Variants in NALF2 observed in about 807,000 individuals in gnomAD.
NALF2 encodes the protein NALCN channel auxiliary factor 2, also known as bB57D9.1 (TED protein).
NALF2 carries 1 observed loss-of-function variant against 24.8 expected under a neutral mutation model. The ratio of observed to expected loss-of-function variants is 0.04; its 90% CI spans 0.01 to 0.19. The LOEUF is 0.19. NALF2 is among the 10% of genes least tolerant of loss of function. NALF2 has a pLI of 1.00. For missense variants in NALF2, 458 were observed against 409.6 expected, an observed-to-expected ratio of 1.12 and a Z score of -1.02; for synonymous variants, 254 against 189.8, an observed-to-expected ratio of 1.34 and a Z score of -2.78.
chrX:69,509,854 TTTTA>T (rs1212928980), intron 1 of NALF2, among the ~76,000 whole-genome samples: 2 of 112,638 alleles, frequency 1.8e-5, no homozygotes, highest in Non-Finnish European at 3.8e-5. Context: ...AACCTAGTTC[TTTTA>T]TTTATTACCT....
chrX:69,520,042 A>G (rs1483672042), intron 1 of NALF2, among the ~76,000 whole-genome samples: 2 of 111,221 alleles, frequency 1.8e-5, no homozygotes, highest in African/African-American at 6.6e-5. Flanking sequence ...CTCTTGAGCC[A>G]CTCCTCCATC....
chrX:69,512,795 A>T lies in NALF2; in HGVS notation c.861+6652A>T, dbSNP rs1930603407. On this transcript the variant is annotated intron_variant, in intron 1 of 2. Transcript: ENST00000252338. ...TTCTCCAGTGCACAGATGCATGAAG[A>T]AAATGCTAATAATCTCCTCCAACTG... Among the ~76,000 whole-genome samples, 3 of 111,632 alleles carry T rather than the reference A, an allele frequency of 2.7e-5. No individual in the cohort carries two copies. In the South Asian group the frequency reaches 1.1e-3, roughly 43 times the overall value.
Position 69,506,138 on chromosome X carries a change from T to C in NALF2, c.856T>C (p.Cys286Arg). Reference protein sequence around the residue: ...EYSIRSCTKGCKAVYKAWLCS... With the variant: ...EYSIRSCTKGRKAVYKAWLCS... ...CTCAATCCGGTCCTGCACGAAAGGCTGTAAGGTAAGGACTGGCTTCCGCAG... is the reference window on the plus strand; with the variant it reads ...CTCAATCCGGTCCTGCACGAAAGGCCGTAAGGTAAGGACTGGCTTCCGCAG... The change falls in exon 1 of 3, where the codon TGT (cysteine) becomes CGT (arginine). Residue 286 changes from cysteine (C) to arginine (R), a missense_variant. Transcript: ENST00000252338. 1 of 1,204,644 alleles carries C rather than the reference T, an allele frequency of 8.3e-7. No individual in the cohort carries two copies. Among genetic ancestry groups the C allele is most frequent in the South Asian group, 1.8e-5 (1 of 55,582 alleles).
chrX:69,512,744 C>T (rs1425592884), intron 1 of NALF2, among the ~76,000 whole-genome samples: 1 of 111,722 alleles, frequency 9.0e-6, no homozygotes, highest in Non-Finnish European at 1.9e-5. Context: ...AAAGGACTGG[C>T]ATACAAACCT....
At chrX:69,528,595 A>C (rs753036504) in intron 1 of NALF2, among the ~76,000 whole-genome samples, 1 of 112,562 alleles carries the variant, frequency 8.9e-6, no homozygotes, top group Non-Finnish European at 1.9e-5. Context: ...TGTTTGCTGA[A>C]TTGAACAGAA....
chrX:69,505,005 C>T lies in NALF2; in HGVS notation c.-278C>T, dbSNP rs1930432784. ...CCGCCACCGCCCCAGTGCCCCGCAC[C>T]GCCCCCAGCCGGGACGCCGGGCAGC... On this transcript the variant is annotated 5_prime_UTR_variant, in exon 1 of 3. Transcript: ENST00000252338. 9.4e-6 allele frequency among the ~76,000 whole-genome samples: 1 copy of T among 106,544 alleles called. No individual in the cohort carries two copies. The highest frequency in any genetic ancestry group is 3.3e-5 in the African/African-American group (1 of 29,941). 92.5% of individuals were successfully genotyped at this position (106,544 alleles called of 115,157 possible). A position where few individuals can be genotyped will look rare whatever the true frequency, so the allele number is the denominator to read the frequency against.
At chrX:69,508,236 C>T (rs574137317) in intron 1 of NALF2, among the ~76,000 whole-genome samples, 5 of 111,476 alleles carry the variant, frequency 4.5e-5, no homozygotes, top group African/African-American at 1.6e-4. Context: ...TTTTTCCGCC[C>T]CTCTCGTGTG....
chrX:69,505,253 T>A lies in NALF2; in HGVS notation c.-30T>A, dbSNP rs1337144434. 8.9e-7 allele frequency: 1 copy of A among 1,124,741 alleles called. No homozygotes were observed. Among genetic ancestry groups the A allele is most frequent in the South Asian group, 2.1e-5 (1 of 48,092 alleles). 92.7% of individuals were successfully genotyped at this position (1,124,741 alleles called of 1,213,427 possible). On this transcript the variant is annotated 5_prime_UTR_variant, in exon 1 of 3. Transcript: ENST00000252338. ...ACGGCCGTCTGGCCTCGCGCCTGCC[T>A]GTTCCCTCCAGCCCGGACCCCCCTG...
rs1930890416 is a variant in NALF2 at position 69,530,615 on chromosome X, G to C, written c.*659G>C. On this transcript the variant is annotated 3_prime_UTR_variant, in exon 3 of 3. Transcript: ENST00000252338. ...GGTACAGAATGAATGGTGAAAGAGAGTGGAGATACGGAAGGGGGAGAGGAG... is the reference window on the plus strand; with the variant it reads ...GGTACAGAATGAATGGTGAAAGAGACTGGAGATACGGAAGGGGGAGAGGAG... 8.9e-6 allele frequency: 1 copy of C among 112,751 alleles called. No individual in the cohort carries two copies. The highest frequency in any genetic ancestry group is 9.4e-5 in the Admixed American group (1 of 10,689). The allele number at this position is 112,751 out of a possible 1,213,427, so 9.3% of individuals were successfully genotyped here.
At chrX:69,529,452 G>A (rs1446545649) in intron 2 of NALF2, 119 bp from the exon 3 acceptor site, 11 of 1,074,035 alleles carry the variant, frequency 1.0e-5, no homozygotes, top group Non-Finnish European at 1.3e-5. Flanking sequence ...GAGGGCTGTG[G>A]GGAGGGAGCC....
chrX:69,528,949 G>C, intron 1 of NALF2, 44 bp from the exon 2 acceptor site: 1 of 1,161,539 alleles, frequency 8.6e-7, no homozygotes, highest in Non-Finnish European at 1.2e-6. Context: ...TCTGAGGTGG[G>C]AAGGGGCTGG....
In NALF2 at chrX:69,523,939, C is replaced by A. The variant is rs185792285; in HGVS notation, c.862-5054C>A. On this transcript the variant is annotated intron_variant, in intron 1 of 2. Transcript: ENST00000252338. ...GAACCCTGGAGTTGGAGGTGGGAAACCAGGTTTCCAGTTCCTCCCAAACCG... is the reference window on the plus strand; with the variant it reads ...GAACCCTGGAGTTGGAGGTGGGAAAACAGGTTTCCAGTTCCTCCCAAACCG... 2.7e-3 allele frequency among the ~76,000 whole-genome samples: 303 copies of A among 111,171 alleles called. 1 individual carries two copies. Among genetic ancestry groups the A allele is most frequent in the Non-Finnish European group, 3.8e-3 (203 of 52,990 alleles).
chrX:69,521,394 A>G (rs769163184), intron 1 of NALF2, among the ~76,000 whole-genome samples: 2 of 110,568 alleles, frequency 1.8e-5, no homozygotes, highest in East Asian at 5.8e-4. Context: ...TCCTCTCTTA[A>G]TGCTACTACT....
chrX:69,529,311 T>C, intron 2 of NALF2, 147 bp downstream of exon 2: 1 of 771,270 alleles, frequency 1.3e-6, no homozygotes, highest in Admixed American at 3.8e-5. Context: ...CGTCCCCAGG[T>C]TGGGATAGGG....
chrX:69,526,405 A>G (rs116327935), intron 1 of NALF2, among the ~76,000 whole-genome samples: 76 of 111,969 alleles, frequency 6.8e-4, no homozygotes, highest in African/African-American at 1.9e-3. Context: ...ATCATATGCC[A>G]TAGATTCAAA....
At chrX:69,518,631 C>T (rs140688491) in intron 1 of NALF2, among the ~76,000 whole-genome samples, 2,625 of 111,569 alleles carry the variant, frequency 0.024, 75 homozygotes, top group African/African-American at 0.082. Flanking sequence ...CATATATACA[C>T]CTGTGTGTAT....
chrX:69,519,970 A>G (rs990823434), intron 1 of NALF2, among the ~76,000 whole-genome samples: 2 of 111,631 alleles, frequency 1.8e-5, no homozygotes, highest in African/African-American at 3.3e-5. Flanking sequence ...GCCACTCCCT[A>G]TTCTTTGAAA....
At chrX:69,507,685 C>T (rs1930513437) in intron 1 of NALF2, among the ~76,000 whole-genome samples, 1 of 111,125 alleles carries the variant, frequency 9.0e-6, no homozygotes, top group Non-Finnish European at 1.9e-5. Context: ...AAGAAGGGCA[C>T]ATTTTGTCTT....
chrX:69,506,099 C>A lies in NALF2; in HGVS notation c.817C>A (p.Gln273Lys), dbSNP rs766511300. ...CGACCTCGTGCTGCATAAATACTTA[C>A]AGGCGGAAGAGTACTCAATCCGGTC... ...EFDLVLHKYL[Q>K]AEEYSIRSCT... The change falls in exon 1 of 3, where the codon CAG (glutamine) becomes AAG (lysine). Residue 273 changes from glutamine to lysine, a missense_variant. By Grantham distance (53) the Gln-to-Lys change is moderately conservative. Transcript: ENST00000252338. 4.1e-6 allele frequency: 5 copies of A among 1,207,522 alleles called. No homozygotes were observed. In the African/African-American group the frequency reaches 7.0e-5, roughly 17 times the overall value.
Sources: gnomAD v4.1 joint callset for allele counts (sites outside exome capture counted in the v4.1 genomes callset) on GRCh38, gnomAD v4.1.1 for gene constraint, MANE v1.5 for transcripts, NCBI Gene and HGNC (gene_info 2026-07-23, HGNC 2026-07-21) for gene names.